The following CRHR1 variants were observed in gnomAD, a reference collection of about 807,000 sequenced individuals.
CRHR1 encodes corticotropin releasing hormone receptor 1.
A neutral mutation model predicts 56.0 loss-of-function variants in CRHR1; 28 were observed. The ratio of observed to expected loss-of-function variants is 0.50; its 90% CI spans 0.37 to 0.69. CRHR1 has a LOEUF of 0.69. Ranked by LOEUF, CRHR1 falls within the 30% of genes least tolerant of loss-of-function variation. CRHR1 has a pLI of 0.00. For missense variants in CRHR1, 376 were observed against 548.0 expected, an observed-to-expected ratio of 0.69 and a Z score of 3.13; for synonymous variants, 195 against 216.5, an observed-to-expected ratio of 0.90 and a Z score of 0.87.
At chr17:45,824,288 C>T (rs998585984) in intron 4 of CRHR1, among the ~76,000 whole-genome samples, 3 of 152,164 alleles carry the variant, frequency 2.0e-5, no homozygotes, top group Admixed American at 1.3e-4. Context: ...TGACTCAGGA[C>T]CACACGCCAT....
chr17:45,828,937 G>A (rs1324476747), intron 4 of CRHR1, among the ~76,000 whole-genome samples: 4 of 152,230 alleles, frequency 2.6e-5, no homozygotes, highest in African/African-American at 9.6e-5. Context: ...GCATGCAGGG[G>A]CGGGGGGTCC....
chr17:45,830,812 T>C, intron 7 of CRHR1, 68 bp from the exon 8 acceptor site: 2 of 1,511,252 alleles, frequency 1.3e-6, no homozygotes, highest in Non-Finnish European at 9.1e-7. Context: ...TGGGCTGCAC[T>C]GGGGTTCTCC....
At chr17:45,800,699 A>C (rs1169836011) in intron 1 of CRHR1, 1 of 152,320 alleles carries the variant, frequency 6.6e-6, no homozygotes, top group Admixed American at 6.5e-5. Flanking sequence ...GTGTTGAAGG[A>C]TGGCTGTCCA....
At chr17:45,795,566 C>T (rs2061502513) in intron 1 of CRHR1, among the ~76,000 whole-genome samples, 1 of 152,214 alleles carries the variant, frequency 6.6e-6, no homozygotes. Context: ...CATCACCAAA[C>T]GTCCCCCGGG....
chr17:45,796,168 C>G (rs1307117303), intron 1 of CRHR1, among the ~76,000 whole-genome samples: 2 of 152,206 alleles, frequency 1.3e-5, no homozygotes, highest in Non-Finnish European at 2.9e-5. Flanking sequence ...GATAGTGTCA[C>G]CTGCGTAGCT....
At chr17:45,811,061 A>G (rs2061813843) in intron 2 of CRHR1, among the ~76,000 whole-genome samples, 1 of 152,228 alleles carries the variant, frequency 6.6e-6, no homozygotes, top group African/African-American at 2.4e-5. Context: ...GCTGCTGCCA[A>G]GTGCCCACCT....
At chr17:45,806,699 C>T (rs1207569873) in intron 1 of CRHR1, among the ~76,000 whole-genome samples, 1 of 152,156 alleles carries the variant, frequency 6.6e-6, no homozygotes, top group African/African-American at 2.4e-5. Context: ...GAGGTGGCTT[C>T]CTCTGGCCGC....
Position 45,834,771 on chromosome 17 carries a change from A to G in CRHR1, c.*7A>G. On this transcript the variant is annotated 3_prime_UTR_variant, in exon 13 of 13. Coordinates refer to ENST00000314537, the MANE Select transcript of CRHR1 (RefSeq NM_004382.5). ...GCAGTCCACAGCAGTCTGAGCTGGC[A>G]GGTCATGGAGCAGCCCCCAAAGAGC... 4.3e-6 allele frequency: 7 copies of G among 1,613,460 alleles called. No individual in the cohort carries two copies. Among genetic ancestry groups the G allele is most frequent in the South Asian group, 1.1e-5 (1 of 91,080 alleles).
intron 3 of CRHR1, among the ~76,000 whole-genome samples, chr17:45,819,761 C>T (rs911867604): frequency 3.9e-5 from 6 of 152,228 alleles, no homozygotes; most frequent in African/African-American, 9.6e-5. Flanking sequence ...TCCATTTAGC[C>T]GGATCTCCCA....
intron 3 of CRHR1, among the ~76,000 whole-genome samples, chr17:45,817,562 C>G (rs1308357338): frequency 6.6e-6 from 1 of 152,252 alleles, no homozygotes; most frequent in African/African-American, 2.4e-5. Flanking sequence ...AAGATGTCTT[C>G]CAGCTCAAAA....
chr17:45,804,364 G>A (rs2061681849), intron 1 of CRHR1, among the ~76,000 whole-genome samples: 1 of 152,166 alleles, frequency 6.6e-6, no homozygotes, highest in Non-Finnish European at 1.5e-5. Flanking sequence ...TACAAACTCA[G>A]GCACTACCGA....
chr17:45,823,403 CTTT>C (rs71138512), intron 4 of CRHR1, among the ~76,000 whole-genome samples: 3 of 100,598 alleles, frequency 3.0e-5, no homozygotes, highest in African/African-American at 1.2e-4. Context: ...GGGACATTCC[CTTT>C]TTTTTTTTTT....
At chr17:45,792,443 T>C (rs1328021251) in intron 1 of CRHR1, among the ~76,000 whole-genome samples, 1 of 152,172 alleles carries the variant, frequency 6.6e-6, no homozygotes, top group Admixed American at 6.5e-5. Flanking sequence ...GGAAAGAACC[T>C]GATGCTCCCC....
At position 45,830,443 on chromosome 17, in the gene CRHR1, C is replaced by T; in HGVS notation, c.582C>T (p.Ala194=). ...NVGWCRLVTA[A]YNYFHVTNFF... is the part of the protein sequence containing the mutation. ...GCTGGTGCAGGTTGGTGACAGCCGC[C>T]TACAACTACTTCCATGTGACCAACT... The change falls in exon 7 of 13, where the codon GCC becomes GCT. Residue 194 remains alanine (A), a synonymous_variant. Transcript: ENST00000314537. 5.6e-6 allele frequency: 9 copies of T among 1,612,998 alleles called. No homozygotes were observed. Among genetic ancestry groups the T allele is most frequent in the Non-Finnish European group, 7.6e-6 (9 of 1,179,678 alleles).
intron 1 of CRHR1, among the ~76,000 whole-genome samples, chr17:45,794,172 G>A (rs564488114): frequency 2.6e-5 from 4 of 152,344 alleles, no homozygotes; most frequent in Admixed American, 6.5e-5. Flanking sequence ...CCTGCACCAC[G>A]TGATTCACCT....
chr17:45,803,775 T>C (rs540802774), intron 1 of CRHR1, among the ~76,000 whole-genome samples: 4,539 of 150,432 alleles, frequency 0.03, 74 homozygotes, highest in Non-Finnish European at 0.044. Context: ...TGTGTGTGTG[T>C]GCGTGCGCGT....
intron 2 of CRHR1, among the ~76,000 whole-genome samples, chr17:45,814,710 C>T (rs1156271183): frequency 1.3e-5 from 2 of 152,210 alleles, no homozygotes; most frequent in Non-Finnish European, 2.9e-5. Flanking sequence ...CCTGGTACGC[C>T]GTTGCCTCGG....
chr17:45,811,977 T>C (rs998258932), intron 2 of CRHR1, among the ~76,000 whole-genome samples: 3 of 152,170 alleles, frequency 2.0e-5, no homozygotes, highest in African/African-American at 7.2e-5. Context: ...AGTCAGTAAA[T>C]AACAGCTGTC....
Position 45,784,665 on chromosome 17 carries a change from G to A in CRHR1, c.33+88G>A. The A allele has an allele frequency of 7.4e-7, 1 of 1,345,222 alleles. No individual in the cohort carries two copies. Among genetic ancestry groups the A allele is most frequent in the Non-Finnish European group, 9.9e-7 (1 of 1,014,994 alleles). 83.3% of individuals were successfully genotyped at this position (1,345,222 alleles called of 1,614,324 possible). A position where few individuals can be genotyped will look rare whatever the true frequency, so the allele number is the denominator to read the frequency against. ...GGGCTGGGCTGTGGGTGTGATGGGGGCGGGGGCGCTGGGAGAGCCGTGCTT... is the reference window on the plus strand; with the variant it reads ...GGGCTGGGCTGTGGGTGTGATGGGGACGGGGGCGCTGGGAGAGCCGTGCTT... On this transcript the variant is annotated intron_variant, in intron 1 of 12. Coordinates refer to ENST00000314537, the MANE Select transcript of CRHR1 (RefSeq NM_004382.5). This position sits in a 1 kb window ranked among gnomAD's most constrained non-coding sequence, Gnocchi z 4.2.
Sources: allele counts gnomAD v4.1 joint callset (sites outside exome capture counted in the v4.1 genomes callset), GRCh38; gene constraint gnomAD v4.1.1; non-coding constraint Gnocchi (gnomAD v3.1); transcripts MANE v1.5; gene names NCBI Gene and HGNC (gene_info 2026-07-23, HGNC 2026-07-21).